Variants in TENM3 observed in about 807,000 individuals in gnomAD.
TENM3 encodes the protein teneurin transmembrane protein 3.
TENM3 carries 63 observed loss-of-function variants against 255.1 expected under a neutral mutation model. That is an observed-to-expected ratio of 0.25 (90% CI 0.20 to 0.30). TENM3 has a LOEUF of 0.30. TENM3 is among the 10% of genes least tolerant of loss of function. The pLI, the probability that TENM3 is intolerant of heterozygous loss-of-function variation, is 1.00. For missense variants in TENM3, 2,929 were observed against 3,461.1 expected (o/e 0.85, Z 3.86); for synonymous variants, 1,306 against 1,322.3 (o/e 0.99, Z 0.27).
At chr4:182,251,269 AG>A (rs1441614207) in intron 1 of TENM3, among the ~76,000 whole-genome samples, 19 of 152,328 alleles carry the variant, frequency 1.2e-4, no homozygotes, top group South Asian at 1.0e-3. Context: ...CACGAGTTCC[AG>A]ACCAGCCTGG....
In TENM3 at chr4:182,679,867, A is replaced by T; in HGVS notation, c.1528A>T (p.Ile510Phe). 2 of 1,608,080 alleles carry T rather than the reference A, an allele frequency of 1.2e-6. No individual in the cohort carries two copies. The highest frequency in any genetic ancestry group is 1.7e-6 in the Non-Finnish European group (2 of 1,176,668). ...TGCAGAGCAGGTGTCTTTTAATACC[A>T]TTGTTATAGGTAAGAATAGTCTTCA... ...KNAEQVSFNT[I>F]VIESVVECPR... Residue 510 changes from isoleucine (I) to phenylalanine (F), a missense_variant, in exon 8 of 28, where the codon ATT (isoleucine) becomes TTT (phenylalanine). By Grantham distance (21) the Ile-to-Phe change is conservative. This residue lies in a region of TENM3 where 1,608 missense variants were observed against 1,884.4 expected (regional missense o/e 0.85). Transcript: ENST00000511685.
chr4:182,285,742 A>C (rs2150297624), intron 1 of TENM3, among the ~76,000 whole-genome samples: 1 of 152,216 alleles, frequency 6.6e-6, no homozygotes, highest in South Asian at 2.1e-4. Context: ...GAAGCGTGGA[A>C]TTGTGAAGGG....
chr4:182,370,583 A>T (rs146061088), intron 3 of TENM3, among the ~76,000 whole-genome samples: 322 of 152,364 alleles, frequency 2.1e-3, no homozygotes, highest in African/African-American at 7.6e-3. Context: ...TACTTTTCAA[A>T]GAGAACAACG....
the TENM3 span, among the ~76,000 whole-genome samples, chr4:181,629,356 A>G: frequency 6.6e-6 from 1 of 152,212 alleles, no homozygotes; most frequent in Admixed American, 6.5e-5. Context: ...TGCCCTGGCC[A>G]GAACTTCCGA....
the TENM3 span, among the ~76,000 whole-genome samples, chr4:181,817,617 A>T: frequency 6.6e-6 from 1 of 152,170 alleles, no homozygotes; most frequent in East Asian, 1.9e-4. Context: ...TAGGAAAGTG[A>T]TCGGGTTACA....
At chr4:182,489,714 C>T (rs892777000) in intron 3 of TENM3, among the ~76,000 whole-genome samples, 1 of 152,074 alleles carries the variant, frequency 6.6e-6, no homozygotes, top group Non-Finnish European at 1.5e-5. Flanking sequence ...GCTCCTTAAG[C>T]AAAACATTGC....
intron 1 of TENM3, among the ~76,000 whole-genome samples, chr4:182,308,643 G>A (rs1430875781): frequency 6.6e-6 from 1 of 152,102 alleles, no homozygotes; most frequent in Admixed American, 6.5e-5. Flanking sequence ...CCCAACCTAT[G>A]CATGTATTTG....
At position 182,545,558 on chromosome 4, in the gene TENM3, G is replaced by C. The variant is rs77924610; in HGVS notation, c.512-55366G>C. Among the ~76,000 whole-genome samples the C allele has an allele frequency of 2.3e-3, 352 of 151,786 alleles. 2 individuals carry two copies. Among genetic ancestry groups the C allele is most frequent in the African/African-American group, 7.9e-3 (325 of 41,340 alleles). Reference sequence around the variant, plus strand: ...CTGAATAACTTGGCCTTCGCCTTTCGTTCCAGTCTCATCTTGTTCTGCCTT... The same window carrying C: ...CTGAATAACTTGGCCTTCGCCTTTCCTTCCAGTCTCATCTTGTTCTGCCTT... On this transcript the variant is annotated intron_variant, in intron 3 of 27. Coordinates refer to ENST00000511685, the MANE Select transcript of TENM3 (RefSeq NM_001080477.4).
At chr4:181,711,313 T>A in the TENM3 span, among the ~76,000 whole-genome samples, 1 of 151,066 alleles carries the variant, frequency 6.6e-6, no homozygotes, top group Non-Finnish European at 1.5e-5. Flanking sequence ...TCAGTTTAAA[T>A]CCACTGTGTG....
chr4:181,682,432 TTGAC>T, the TENM3 span, among the ~76,000 whole-genome samples: 2 of 152,326 alleles, frequency 1.3e-5, no homozygotes, highest in South Asian at 2.1e-4. Flanking sequence ...TTTCACCAGA[TTGAC>T]TGACTGATTG....
At chr4:181,934,461 A>G in the TENM3 span, among the ~76,000 whole-genome samples, 1 of 152,178 alleles carries the variant, frequency 6.6e-6, no homozygotes, top group African/African-American at 2.4e-5. Flanking sequence ...ATTTGTATGT[A>G]TTAGACACTT....
At chr4:181,820,464 G>T in the TENM3 span, among the ~76,000 whole-genome samples, 3 of 148,972 alleles carry the variant, frequency 2.0e-5, no homozygotes, top group African/African-American at 7.5e-5. Context: ...TAATGGGCAC[G>T]TTTAACTAGA....
chr4:182,734,312 C>G (rs1378098170), intron 16 of TENM3, among the ~76,000 whole-genome samples: 2 of 152,044 alleles, frequency 1.3e-5, no homozygotes, highest in Admixed American at 6.6e-5. Flanking sequence ...GAAGATGACC[C>G]CAGGGCCAGC....
chr4:181,605,494 GA>G, the TENM3 span, among the ~76,000 whole-genome samples: 1 of 8,150 alleles, frequency 1.2e-4, no homozygotes, highest in East Asian at 2.0e-3. Flanking sequence ...AAGAAAGAAA[GA>G]AAGAAAGAAA....
chr4:181,878,303 G>A, the TENM3 span, among the ~76,000 whole-genome samples: 28 of 151,792 alleles, frequency 1.8e-4, no homozygotes, highest in Admixed American at 1.3e-4. Context: ...TAGAAAAATG[G>A]GGGGAAAGGA....
At chr4:182,292,519 T>A (rs1356985769) in intron 1 of TENM3, among the ~76,000 whole-genome samples, 3 of 152,216 alleles carry the variant, frequency 2.0e-5, no homozygotes, top group African/African-American at 7.2e-5. Flanking sequence ...CTATATTGTT[T>A]GAAAAGGGTT....
chr4:181,595,442 A>AC, the TENM3 span, among the ~76,000 whole-genome samples: 7,955 of 147,062 alleles, frequency 0.054, 903 homozygotes, highest in African/African-American at 0.19. Context: ...AAAAAAAAAA[A>AC]AAAAAAAAAA....
chr4:181,880,554 C>G, the TENM3 span, among the ~76,000 whole-genome samples: 1 of 152,006 alleles, frequency 6.6e-6, no homozygotes, highest in Non-Finnish European at 1.5e-5. Context: ...TTATTGTATT[C>G]AAGTTTATTA....
At chr4:182,439,190 C>T (rs1240029616) in intron 3 of TENM3, among the ~76,000 whole-genome samples, 1 of 152,210 alleles carries the variant, frequency 6.6e-6, no homozygotes, top group African/African-American at 2.4e-5. Context: ...AGCTGAAAGT[C>T]CCCAGGACTA....
Sources: gnomAD v4.1 joint callset for allele counts (sites outside exome capture counted in the v4.1 genomes callset) on GRCh38, gnomAD v4.1.1 for gene constraint, gnomAD v4.1.1 regional missense constraint, MANE v1.5 for transcripts, NCBI Gene and HGNC (gene_info 2026-07-23, HGNC 2026-07-21) for gene names.